The following UBE2L3 variants were observed in gnomAD, a reference collection of about 807,000 sequenced individuals.
UBE2L3 encodes the protein ubiquitin conjugating enzyme E2 L3, also known as ubiquitin-conjugating enzyme E2 L3.
UBE2L3 carries 1 observed loss-of-function variant against 17.8 expected under a neutral mutation model. The ratio of observed to expected loss-of-function variants is 0.06; its 90% CI spans 0.02 to 0.27. The LOEUF is 0.27. UBE2L3 is among the 10% of genes least tolerant of loss of function. The probability of loss-of-function intolerance (pLI) is 1.00; values close to 1 mark genes in which losing one functional copy is unlikely to be tolerated. For synonymous variants in UBE2L3, 44 were observed against 68.5 expected (o/e 0.64, Z 1.76); for missense variants, 40 against 192.6 (o/e 0.21, Z 4.69).
chr22:21,577,081 G>C (rs950925299), intron 1 of UBE2L3, among the ~76,000 whole-genome samples: 6 of 151,556 alleles, frequency 4.0e-5, no homozygotes, highest in African/African-American at 7.3e-5. Context: ...CCATTCTCCT[G>C]CTTCACCCTC....
chr22:21,610,288 A>G (rs1929412067), intron 2 of UBE2L3, among the ~76,000 whole-genome samples: 1 of 152,202 alleles, frequency 6.6e-6, no homozygotes, highest in African/African-American at 2.4e-5. Flanking sequence ...CACATTGGTG[A>G]TTAGGTTTCA....
intron 1 of UBE2L3, among the ~76,000 whole-genome samples, chr22:21,579,782 A>G (rs1219993267): frequency 6.6e-6 from 1 of 152,132 alleles, no homozygotes; most frequent in African/African-American, 2.4e-5. Flanking sequence ...GGGGGAAAAA[A>G]AAAAGTCATG....
At chr22:21,621,406 G>C in intron 3 of UBE2L3, 109 bp from the exon 4 acceptor site, 1 of 1,359,782 alleles carries the variant, frequency 7.4e-7, no homozygotes. Context: ...AAGCACATTA[G>C]CTGTAAATCA....
At chr22:21,612,843 A>T (rs547726254) in intron 3 of UBE2L3, among the ~76,000 whole-genome samples, 18 of 148,570 alleles carry the variant, frequency 1.2e-4, no homozygotes, top group Admixed American at 2.0e-4. Flanking sequence ...CACCACGTTG[A>T]CCAGGCTGGT....
At chr22:21,588,090 A>G (rs189234762) in intron 1 of UBE2L3, among the ~76,000 whole-genome samples, 126 of 152,276 alleles carry the variant, frequency 8.3e-4, no homozygotes, top group Middle Eastern at 3.4e-3. Context: ...ATCAGCCCTG[A>G]GCAGCTGACT....
Position 21,615,293 on chromosome 22 carries a change from C to T in UBE2L3, c.310+4250C>T, listed in dbSNP as rs188708666. Among the ~76,000 whole-genome samples the T allele has an allele frequency of 8.9e-4, 135 of 152,240 alleles. 3 individuals carry two copies. The highest frequency in any genetic ancestry group is 3.4e-3 in the Middle Eastern group (1 of 294). On this transcript the variant is annotated intron_variant, in intron 3 of 3. Transcript: ENST00000342192. ...TAAATGGGCCGGGCGCGGTGGCTCA[C>T]GCCTGTAGTCCCAGCACTTTGGGAG... is the stretch of plus-strand genomic sequence containing the variant.
Position 21,581,806 on chromosome 22 carries a change from A to G in UBE2L3, c.28-11055A>G, listed in dbSNP as rs575038550. ...AACAATAGTGTAACTGTCTCAAAAA[A>G]AAAAGAAAAAAAAATTCAGAACAAG... On this transcript the variant is annotated intron_variant, in intron 1 of 3. Transcript: ENST00000342192. Among the ~76,000 whole-genome samples the G allele has an allele frequency of 1.7e-4, 25 of 150,868 alleles. No individual in the cohort carries two copies. In the South Asian group the frequency reaches 5.2e-3, roughly 32 times the overall value.
intron 1 of UBE2L3, among the ~76,000 whole-genome samples, chr22:21,556,814 A>G (rs1307671459): frequency 2.6e-5 from 4 of 152,268 alleles, no homozygotes; most frequent in African/African-American, 9.6e-5. Context: ...AATCCCAGTA[A>G]GGAGGCCGAG....
Position 21,616,302 on chromosome 22 carries a change from T to TAGG in UBE2L3, c.311-5204_311-5202dup, listed in dbSNP as rs901264575. On this transcript the variant is annotated intron_variant, in intron 3 of 3. Transcript: ENST00000342192. ...AAGTAGATTAGTGATTGTCAGGGTCTAGGAGGAGGAGAATAGGAAGTGACT... is the reference window on the plus strand; with the variant it reads ...AAGTAGATTAGTGATTGTCAGGGTCTAGGAGGAGGAGGAGAATAGGAAGTGACT... 2.0e-5 allele frequency among the ~76,000 whole-genome samples: 3 copies of TAGG among 152,122 alleles called. No individual in the cohort carries two copies. The South Asian group carries it at 6.2e-4, about 32-fold the overall frequency.
chr22:21,556,264 G>C (rs531316562), intron 1 of UBE2L3, among the ~76,000 whole-genome samples: 5 of 152,182 alleles, frequency 3.3e-5, no homozygotes, highest in African/African-American at 7.2e-5. Flanking sequence ...GCATAGTGGC[G>C]TGTGCCTGTA....
chr22:21,596,896 T>A lies in UBE2L3; in HGVS notation c.123+3940T>A, dbSNP rs145116868. Among the ~76,000 whole-genome samples, 285 of 152,312 alleles carry A rather than the reference T, an allele frequency of 1.9e-3. 1 individual carries two copies. The highest frequency in any genetic ancestry group is 6.6e-3 in the African/African-American group (275 of 41,552). On this transcript the variant is annotated intron_variant, in intron 2 of 3. Coordinates refer to ENST00000342192, the MANE Select transcript of UBE2L3 (RefSeq NM_003347.4). ...TACGTTACAGCCATTCTAGTTGGTA[T>A]GTAGTGCTGTCTCATTGTGGTTTTG... is the stretch of plus-strand genomic sequence containing the variant.
chr22:21,599,163 C>T (rs553608350), intron 2 of UBE2L3, among the ~76,000 whole-genome samples: 80 of 152,286 alleles, frequency 5.3e-4, no homozygotes, highest in African/African-American at 1.6e-3. Context: ...CTAAAATCCA[C>T]GCCCTCCGGA....
chr22:21,571,202 A>G (rs1438803794), intron 1 of UBE2L3, among the ~76,000 whole-genome samples: 1 of 152,250 alleles, frequency 6.6e-6, no homozygotes, highest in Non-Finnish European at 1.5e-5. Flanking sequence ...TGCTTCAATC[A>G]GGATGGGGAA....
intron 2 of UBE2L3, among the ~76,000 whole-genome samples, chr22:21,593,754 C>T (rs576367741): frequency 1.1e-3 from 174 of 152,284 alleles, no homozygotes; most frequent in African/African-American, 3.5e-3. Flanking sequence ...GCAGTGCTGG[C>T]ATCATGGCCC....
intron 1 of UBE2L3, among the ~76,000 whole-genome samples, chr22:21,585,829 T>C (rs544430542): frequency 6.6e-6 from 1 of 152,284 alleles, no homozygotes; most frequent in East Asian, 1.9e-4. Flanking sequence ...AGAGCTTTAG[T>C]TGGAATTACT....
At chr22:21,575,258 C>CAA (rs999280735) in intron 1 of UBE2L3, among the ~76,000 whole-genome samples, 3 of 52,696 alleles carry the variant, frequency 5.7e-5, no homozygotes, top group Admixed American at 2.2e-4. Flanking sequence ...GACTCCATCT[C>CAA]AAAAAAAAAA....
chr22:21,581,757 A>T (rs1184066206), intron 1 of UBE2L3, among the ~76,000 whole-genome samples: 1 of 146,810 alleles, frequency 6.8e-6, no homozygotes, highest in Non-Finnish European at 1.5e-5. Context: ...AGCCAAGATC[A>T]CAACATTGCA....
At chr22:21,598,838 C>T (rs1928699256) in intron 2 of UBE2L3, among the ~76,000 whole-genome samples, 1 of 140,448 alleles carries the variant, frequency 7.1e-6, no homozygotes, top group African/African-American at 2.8e-5. Context: ...CCCCACCCGC[C>T]TAGTTCCATT....
intron 1 of UBE2L3, among the ~76,000 whole-genome samples, chr22:21,556,451 A>C (rs1926228383): frequency 6.6e-6 from 1 of 152,228 alleles, no homozygotes; most frequent in African/African-American, 2.4e-5. Context: ...TTTTTTGGAG[A>C]CAGGGTCTTG....
Sources: allele counts gnomAD v4.1 joint callset (sites outside exome capture counted in the v4.1 genomes callset), GRCh38; gene constraint gnomAD v4.1.1; transcripts MANE v1.5; gene names NCBI Gene and HGNC (gene_info 2026-07-23, HGNC 2026-07-21).